GALNTL6: variants seen among roughly 807,000 people sequenced by gnomAD.
GALNTL6 encodes polypeptide N-acetylgalactosaminyltransferase-like 6.
Under a neutral mutation model 73.7 loss-of-function variants are expected in GALNTL6, and 46 were observed. That is an observed-to-expected ratio of 0.62 (90% CI 0.49 to 0.80). GALNTL6 has a LOEUF of 0.80. GALNTL6 is among the 30% of genes least tolerant of loss of function. The pLI, the probability that GALNTL6 is intolerant of heterozygous loss-of-function variation, is 0.00. For synonymous variants in GALNTL6, 259 were observed against 263.7 expected, an observed-to-expected ratio of 0.98 and a Z score of 0.17; for missense variants, 604 against 755.0, an observed-to-expected ratio of 0.80 and a Z score of 2.34.
chr4:172,296,695 T>A (rs199774233), intron 3 of GALNTL6, among the ~76,000 whole-genome samples: 2 of 152,204 alleles, frequency 1.3e-5, no homozygotes, highest in Non-Finnish European at 2.9e-5. Context: ...CATGAACTCA[T>A]CATTTTTTAT....
intron 2 of GALNTL6, among the ~76,000 whole-genome samples, chr4:171,873,637 A>C (rs1736195131): frequency 6.6e-6 from 1 of 152,286 alleles, no homozygotes; most frequent in Non-Finnish European, 1.5e-5. Flanking sequence ...TAAAAACTTT[A>C]TAATAGTGAT....
intron 2 of GALNTL6, among the ~76,000 whole-genome samples, chr4:171,824,075 TTTTATA>T (rs1207055532): frequency 2.7e-5 from 1 of 37,700 alleles, no homozygotes; most frequent in East Asian, 7.8e-4. Context: ...CACAAATCCA[TTTTATA>T]TATATATATA....
At chr4:172,014,378 C>T (rs1200592787) in intron 2 of GALNTL6, among the ~76,000 whole-genome samples, 1 of 151,920 alleles carries the variant, frequency 6.6e-6, no homozygotes, top group African/African-American at 2.4e-5. Flanking sequence ...TTCTCACCAG[C>T]ATTTATTAGT....
chr4:172,630,261 T>C (rs1255795170), intron 5 of GALNTL6, among the ~76,000 whole-genome samples: 2 of 152,184 alleles, frequency 1.3e-5, no homozygotes, highest in Non-Finnish European at 2.9e-5. Flanking sequence ...AGTAAAACCT[T>C]GAGACCTGAG....
chr4:172,516,215 CT>C (rs1487383351), intron 5 of GALNTL6, among the ~76,000 whole-genome samples: 1 of 152,120 alleles, frequency 6.6e-6, no homozygotes, highest in Non-Finnish European at 1.5e-5. Flanking sequence ...TTACCTAGCA[CT>C]TTGTAAAAAA....
At chr4:172,817,407 G>T (rs1741667988) in intron 7 of GALNTL6, among the ~76,000 whole-genome samples, 1 of 152,014 alleles carries the variant, frequency 6.6e-6, no homozygotes, top group Admixed American at 6.6e-5. Flanking sequence ...TTCAACCTGG[G>T]TGAGACCCTA....
intron 10 of GALNTL6, among the ~76,000 whole-genome samples, chr4:172,975,714 C>A (rs992671432): frequency 6.6e-6 from 1 of 152,174 alleles, no homozygotes; most frequent in African/African-American, 2.4e-5. Flanking sequence ...CCTCAGCCCC[C>A]CTTCCATGCT....
At chr4:171,865,525 AT>A (rs1364411561) in intron 2 of GALNTL6, among the ~76,000 whole-genome samples, 3 of 152,194 alleles carry the variant, frequency 2.0e-5, no homozygotes, top group Admixed American at 6.5e-5. Flanking sequence ...TTGCTAAATG[AT>A]TTTTTTAGAG....
chr4:172,052,611 A>C lies in GALNTL6; in HGVS notation c.139-177045A>C, dbSNP rs556239992. On this transcript the variant is annotated intron_variant, in intron 2 of 12. Transcript: ENST00000506823. ...TCGTCTCATGGACGCTTGTTGTTGA[A>C]TCAGGACTTTAGGGTCACGTAGTCT... is the stretch of plus-strand genomic sequence containing the variant. 13 of 912,468 alleles carry C rather than the reference A, an allele frequency of 1.4e-5. No individual in the cohort carries two copies. The African/African-American group carries it at 1.8e-4, about 13-fold the overall frequency. 56.5% of individuals were successfully genotyped at this position (912,468 alleles called of 1,614,324 possible).
At chr4:172,429,151 C>T (rs1466107370) in intron 5 of GALNTL6, among the ~76,000 whole-genome samples, 2 of 118,402 alleles carry the variant, frequency 1.7e-5, no homozygotes, top group African/African-American at 2.8e-5. Context: ...CCCAAAGCCC[C>T]ACCTCTTTAT....
chr4:172,343,055 A>T (rs1206438417), intron 4 of GALNTL6, among the ~76,000 whole-genome samples: 1 of 152,238 alleles, frequency 6.6e-6, no homozygotes, highest in Non-Finnish European at 1.5e-5. Context: ...CAAAAAAGGG[A>T]ATAGTTATTA....
chr4:172,391,371 G>A (rs1199583285), intron 5 of GALNTL6, among the ~76,000 whole-genome samples: 1 of 152,104 alleles, frequency 6.6e-6, no homozygotes. Context: ...ATGGGGTCTT[G>A]CTCTGTTGCC....
At chr4:172,357,467 G>T (rs751593663) in intron 5 of GALNTL6, among the ~76,000 whole-genome samples, 1 of 152,126 alleles carries the variant, frequency 6.6e-6, no homozygotes, top group Non-Finnish European at 1.5e-5. Context: ...AGAGAGGCTG[G>T]ATTAAGGGTA....
chr4:172,077,024 T>C (rs1319903235), intron 2 of GALNTL6, among the ~76,000 whole-genome samples: 1 of 152,208 alleles, frequency 6.6e-6, no homozygotes, highest in African/African-American at 2.4e-5. Context: ...GGTGCCTACT[T>C]CCCCTTTGCC....
intron 2 of GALNTL6, among the ~76,000 whole-genome samples, chr4:171,865,864 T>C (rs1241696627): frequency 6.6e-6 from 1 of 152,222 alleles, no homozygotes; most frequent in African/African-American, 2.4e-5. Flanking sequence ...TTTTCATGAT[T>C]GCATTCTGTC....
At chr4:172,299,461 G>T (rs1290896420) in intron 3 of GALNTL6, among the ~76,000 whole-genome samples, 2 of 152,106 alleles carry the variant, frequency 1.3e-5, no homozygotes, top group African/African-American at 2.4e-5. Flanking sequence ...TGTGATGTTA[G>T]GGTGTCAATT....
At chr4:172,912,650 C>T (rs565321589) in intron 8 of GALNTL6, among the ~76,000 whole-genome samples, 156 of 152,166 alleles carry the variant, frequency 1.0e-3, no homozygotes, top group African/African-American at 2.5e-3. Flanking sequence ...ACTGAGAGGC[C>T]GCAGCGAGGG....
At chr4:172,404,475 C>T (rs539848860) in intron 5 of GALNTL6, among the ~76,000 whole-genome samples, 1 of 152,000 alleles carries the variant, frequency 6.6e-6, no homozygotes. Flanking sequence ...TAATTTCGTT[C>T]AAAAATAAAT....
rs1738041277 is a variant in GALNTL6 at position 172,760,811 on chromosome 4, G to T, written c.554-48550G>T. On this transcript the variant is annotated intron_variant, in intron 5 of 12. Coordinates refer to ENST00000506823, the MANE Select transcript of GALNTL6 (RefSeq NM_001034845.3). Reference sequence around the variant, plus strand: ...GGGTCCTGACCAGCAGGGGATAGGAGGACCTCTCATGCCTCGCTAGGGCCT... The same window carrying T: ...GGGTCCTGACCAGCAGGGGATAGGATGACCTCTCATGCCTCGCTAGGGCCT... Among the ~76,000 whole-genome samples, 3 of 152,274 alleles carry T rather than the reference G, an allele frequency of 2.0e-5. No individual in the cohort carries two copies. In the South Asian group the frequency reaches 6.2e-4, roughly 32 times the overall value.
Sources: allele counts gnomAD v4.1 joint callset (sites outside exome capture counted in the v4.1 genomes callset), GRCh38; gene constraint gnomAD v4.1.1; transcripts MANE v1.5; gene names NCBI Gene and HGNC (gene_info 2026-07-23, HGNC 2026-07-21).